Variants in UBAP2 observed in about 807,000 individuals in gnomAD.
UBAP2 encodes ubiquitin associated protein 2.
Under a neutral mutation model 139.6 loss-of-function variants are expected in UBAP2, and 75 were observed. The ratio of observed to expected loss-of-function variants is 0.54; its 90% CI spans 0.45 to 0.65. UBAP2 has a LOEUF of 0.65. UBAP2 is among the 30% of genes least tolerant of loss of function. UBAP2 has a pLI of 0.00. For synonymous variants in UBAP2, 526 were observed against 526.2 expected (o/e 1.00, Z 0.01); for missense variants, 1,368 against 1,369.6 (o/e 1.00, Z 0.02).
At chr9:33,944,731 A>C in intron 13 of UBAP2, 92 bp from the exon 14 acceptor site, 1 of 1,415,194 alleles carries the variant, frequency 7.1e-7, no homozygotes, top group Non-Finnish European at 9.5e-7. Flanking sequence ...CAATTTCTCC[A>C]AATCATTTCC....
chr9:33,951,515 T>C (rs1826107888), intron 12 of UBAP2, among the ~76,000 whole-genome samples: 1 of 151,610 alleles, frequency 6.6e-6, no homozygotes, highest in South Asian at 2.1e-4. Flanking sequence ...CCTGGCTAAT[T>C]TTTGTATTTT....
At chr9:33,967,206 G>A (rs1202328060) in intron 8 of UBAP2, among the ~76,000 whole-genome samples, 1 of 152,014 alleles carries the variant, frequency 6.6e-6, no homozygotes, top group African/African-American at 2.4e-5. Flanking sequence ...TGAAACTTGT[G>A]TCTTGCATCT....
chr9:33,950,614 C>CAATA (rs1826018984), intron 12 of UBAP2, among the ~76,000 whole-genome samples: 3 of 152,134 alleles, frequency 2.0e-5, no homozygotes, highest in African/African-American at 7.2e-5. Context: ...TCAGGTTGCC[C>CAATA]AATACACTGG....
intron 8 of UBAP2, among the ~76,000 whole-genome samples, chr9:33,964,380 T>C (rs1021934511): frequency 2.0e-5 from 3 of 152,156 alleles, no homozygotes; most frequent in Non-Finnish European, 4.4e-5. Context: ...TCTGCTACTT[T>C]AAATAATAAG....
At chr9:33,954,269 T>C (rs553963) in intron 11 of UBAP2, among the ~76,000 whole-genome samples, 84,098 of 139,748 alleles carry the variant, frequency 0.6, 25,507 homozygotes, top group East Asian at 0.76. Flanking sequence ...TGTGTGTATA[T>C]ACACACACAC....
chr9:33,998,847 C>A lies in UBAP2; in HGVS notation c.117G>T (p.Met39Ile). 2 of 1,611,170 alleles carry A rather than the reference C, an allele frequency of 1.2e-6. No homozygotes were observed. The highest frequency in any genetic ancestry group is 1.7e-6 in the Non-Finnish European group (2 of 1,179,594). The change falls in exon 3 of 29, where the codon ATG (methionine) becomes ATT (isoleucine). Residue 39 changes from methionine to isoleucine, a missense_variant. Physicochemically the swap from Met to Ile is conservative, Grantham distance 10 (BLOSUM62 1). Transcript: ENST00000379238. ...TATCAAAGATCACTTGAGCGAGACG[C>A]ATCTGTTCAGCTGTTGCCTGGAAAG... ...KQVVQATAEQ[M>I]RLAQVIFDKN...
Position 33,953,433 on chromosome 9 carries a change from C to T in UBAP2, c.908G>A (p.Ser303Asn). 1.2e-6 allele frequency: 2 copies of T among 1,614,146 alleles called. No homozygotes were observed. Among genetic ancestry groups the T allele is most frequent in the Non-Finnish European group, 1.7e-6 (2 of 1,180,002 alleles). The change falls in exon 12 of 29, where the codon AGT (serine) becomes AAT (asparagine). Residue 303 changes from serine (S) to asparagine (N), a missense_variant. Ser to Asn is a conservative substitution (Grantham distance 46, BLOSUM62 1). Coordinates refer to ENST00000379238, the MANE Select transcript of UBAP2 (RefSeq NM_001370062.2). The part of the protein sequence containing the change: ...VALLQKPVPH[S>N]QASEANSFET... Reference sequence around the variant, plus strand: ...AAAGGAGTTGGCTTCTGAGGCTTGACTGTGAGGAACAGGCTTCTGGAGCAA... The same window carrying T: ...AAAGGAGTTGGCTTCTGAGGCTTGATTGTGAGGAACAGGCTTCTGGAGCAA...
intron 1 of UBAP2, among the ~76,000 whole-genome samples, chr9:34,040,250 G>A (rs1826943275): frequency 6.7e-6 from 1 of 149,208 alleles, no homozygotes; most frequent in African/African-American, 2.5e-5. Context: ...CTTAAACTCG[G>A]GAGGCGGAGG....
chr9:33,990,056 C>CATAT (rs4008759), intron 4 of UBAP2, among the ~76,000 whole-genome samples: 1 of 149,508 alleles, frequency 6.7e-6, no homozygotes, highest in East Asian at 1.9e-4. Context: ...TCTAATCTAC[C>CATAT]ATATATATAT....
Position 33,993,392 on chromosome 9 carries a change from G to C in UBAP2, c.288+2831C>G, listed in dbSNP as rs1260493664. Among the ~76,000 whole-genome samples, 3 of 152,332 alleles carry C rather than the reference G, an allele frequency of 2.0e-5. No homozygotes were observed. In the East Asian group the frequency reaches 5.8e-4, roughly 29 times the overall value. On this transcript the variant is annotated intron_variant, in intron 4 of 28. Coordinates refer to ENST00000379238, the MANE Select transcript of UBAP2 (RefSeq NM_001370062.2). ...GGTGCTGCAGATGGCAACTAGGTAAGAGATGAGGCAAACAGTATGAGAGAC... is the reference window on the plus strand; with the variant it reads ...GGTGCTGCAGATGGCAACTAGGTAACAGATGAGGCAAACAGTATGAGAGAC...
intron 1 of UBAP2, among the ~76,000 whole-genome samples, chr9:34,042,992 T>C (rs1827231829): frequency 6.6e-6 from 1 of 151,826 alleles, no homozygotes; most frequent in Non-Finnish European, 1.5e-5. Flanking sequence ...GCCTTAATCC[T>C]GGGAGATAGA....
intron 16 of UBAP2, among the ~76,000 whole-genome samples, chr9:33,936,767 A>G (rs760128106): frequency 5.3e-5 from 8 of 152,154 alleles, no homozygotes; most frequent in Non-Finnish European, 1.0e-4. Flanking sequence ...TTAACAACTT[A>G]GATGAAATGG....
chr9:34,023,450 G>A lies in UBAP2; in HGVS notation c.-41-6261C>T, dbSNP rs967515501. Among the ~76,000 whole-genome samples the A allele has an allele frequency of 8.5e-5, 13 of 152,068 alleles. 1 individual carries two copies. The highest frequency in any genetic ancestry group is 1.5e-4 in the Non-Finnish European group (10 of 68,020). Reference sequence around the variant, plus strand: ...TGTACATGAATCCTCACTTGTCAAGGAAGAAAACCATAACTCTTTGTTATA... The same window carrying A: ...TGTACATGAATCCTCACTTGTCAAGAAAGAAAACCATAACTCTTTGTTATA... On this transcript the variant is annotated intron_variant, in intron 1 of 28. Transcript: ENST00000379238.
chr9:33,990,958 A>G (rs1821660088), intron 4 of UBAP2, among the ~76,000 whole-genome samples: 2 of 152,008 alleles, frequency 1.3e-5, no homozygotes, highest in Admixed American at 1.3e-4. Context: ...TACTCTTTCA[A>G]CCCAGCAATT....
At chr9:34,036,553 T>C (rs1202509053) in intron 1 of UBAP2, among the ~76,000 whole-genome samples, 2 of 152,156 alleles carry the variant, frequency 1.3e-5, no homozygotes, top group Non-Finnish European at 2.9e-5. Flanking sequence ...TGGAATCCTA[T>C]ACACACATTT....
intron 1 of UBAP2, among the ~76,000 whole-genome samples, chr9:34,045,821 A>G (rs1383474232): frequency 1.3e-5 from 2 of 152,204 alleles, no homozygotes; most frequent in Non-Finnish European, 2.9e-5. Context: ...AAAGGATCCT[A>G]TTCCTAAATA....
At position 33,928,026 on chromosome 9, in the gene UBAP2, G is replaced by C. The variant is rs747990149; in HGVS notation, c.2176-34C>G. 8.8e-6 allele frequency: 14 copies of C among 1,582,220 alleles called. No homozygotes were observed. In the Admixed American group the frequency reaches 2.1e-4, roughly 24 times the overall value. ...AGAAAAGCCAGGACACATGGATCTGGAGGCAGAGGAGGAGGGTGCTGGGGA... is the reference window on the plus strand; with the variant it reads ...AGAAAAGCCAGGACACATGGATCTGCAGGCAGAGGAGGAGGGTGCTGGGGA... On this transcript the variant is annotated intron_variant, in intron 19 of 28. Transcript: ENST00000379238.
chr9:34,045,264 T>C (rs1827473354), intron 1 of UBAP2, among the ~76,000 whole-genome samples: 1 of 149,536 alleles, frequency 6.7e-6, no homozygotes. Context: ...GAAAATGGCA[T>C]GAACCCAGAA....
In UBAP2 at chr9:33,986,843, G is replaced by A. The variant is rs146537467; in HGVS notation, c.443-6C>T. The A allele has an allele frequency of 2.1e-4, 336 of 1,613,522 alleles. 1 individual carries two copies. In the East Asian group the frequency reaches 5.4e-3, roughly 26 times the overall value. On this transcript the variant is annotated splice_region_variant and splice_polypyrimidine_tract_variant and intron_variant, in intron 5 of 28. Transcript: ENST00000379238. ...TCCATTTTCTTCACCTCTAACTAGG[G>A]GGAAAAGAGCAGAAAAATCAAATTT... is the stretch of plus-strand genomic sequence containing the variant.
Sources: gnomAD v4.1 joint callset for allele counts (sites outside exome capture counted in the v4.1 genomes callset) on GRCh38, gnomAD v4.1.1 for gene constraint, MANE v1.5 for transcripts, NCBI Gene and HGNC (gene_info 2026-07-23, HGNC 2026-07-21) for gene names.